The following SIRT7 variants were observed in gnomAD, a reference collection of about 807,000 sequenced individuals.
SIRT7 encodes NAD-dependent protein deacetylase sirtuin-7.
In SIRT7, 32 loss-of-function variants were observed where a neutral mutation model predicts 42.8. The observed-to-expected ratio is 0.75, with a 90% CI of 0.56 to 1.00. SIRT7 has a LOEUF of 1.00. SIRT7 is among the 50% of genes least tolerant of loss of function. The pLI is 0.00. For synonymous variants in SIRT7, 297 were observed against 245.2 expected (o/e 1.21, Z -1.97); for missense variants, 553 against 572.2 (o/e 0.97, Z 0.34).
chr17:81,915,257 A>C, intron 5 of SIRT7, 183 bp downstream of exon 5: 1 of 637,100 alleles, frequency 1.6e-6, no homozygotes. Flanking sequence ...TCAGAGGGGG[A>C]GCTCCCCTTC....
Position 81,912,365 on chromosome 17 carries a change from C to T in SIRT7, c.*51G>A, listed in dbSNP as rs749450016. 8.7e-6 allele frequency: 14 copies of T among 1,609,106 alleles called. No homozygotes were observed. Among genetic ancestry groups the T allele is most frequent in the Non-Finnish European group, 1.1e-5 (13 of 1,175,850 alleles). On this transcript the variant is annotated 3_prime_UTR_variant, in exon 10 of 10. Transcript: ENST00000328666. Reference sequence around the variant, plus strand: ...CCCGTGGGGGCAACCCAGCCTTCACCGTGACACTGGCCATCTGCAAAGTGC... The same window carrying T: ...CCCGTGGGGGCAACCCAGCCTTCACTGTGACACTGGCCATCTGCAAAGTGC...
intron 5 of SIRT7, 182 bp downstream of exon 5, chr17:81,915,258 G>GC: frequency 1.6e-6 from 1 of 641,698 alleles, no homozygotes; most frequent in East Asian, 2.7e-5. Flanking sequence ...CAGAGGGGGA[G>GC]CTCCCCTTCT....
intron 5 of SIRT7, chr17:81,915,128 C>G (rs1430951215): frequency 9.6e-6 from 5 of 518,828 alleles, no homozygotes; most frequent in African/African-American, 1.9e-5. Context: ...CAGAGATGTC[C>G]TATAAGCCTC....
At position 81,914,139 on chromosome 17, in the gene SIRT7, C is replaced by T; in HGVS notation, c.845G>A (p.Cys282Tyr). Residue 282 changes from cysteine (C) to tyrosine (Y), a missense_variant, in exon 8 of 10, where the codon TGC becomes TAC. By Grantham distance (194) the Cys-to-Tyr change is radical. Transcript: ENST00000328666. Reference protein sequence around the residue: ...KVLKKYPRLWCMTKPPSRRPK... With the variant: ...KVLKKYPRLWYMTKPPSRRPK... Reference sequence around the variant, plus strand: ...CCGCCGGCTAGGGGGCTTGGTCATGCACCAGAGGCGTGGGTACTTCTTTAG... The same window carrying T: ...CCGCCGGCTAGGGGGCTTGGTCATGTACCAGAGGCGTGGGTACTTCTTTAG... 3.7e-6 allele frequency: 6 copies of T among 1,613,656 alleles called. No individual in the cohort carries two copies. The highest frequency in any genetic ancestry group is 4.2e-6 in the Non-Finnish European group (5 of 1,180,030).
chr17:81,912,809 A>G lies in SIRT7; in HGVS notation c.1005-195T>C. 4 of 645,218 alleles carry G rather than the reference A, an allele frequency of 6.2e-6. No individual in the cohort carries two copies. In the South Asian group the frequency reaches 7.2e-5, roughly 12 times the overall value. 40.0% of individuals were successfully genotyped at this position (645,218 alleles called of 1,614,324 possible). ...ACGGATGTGGGAGAGGTCACCTCTT[A>G]GGTGGTGACTCAAAGGTCGGCACCC... is the stretch of plus-strand genomic sequence containing the variant. On this transcript the variant is annotated intron_variant, in intron 9 of 9. Coordinates refer to ENST00000328666, the MANE Select transcript of SIRT7 (RefSeq NM_016538.3).
Position 81,917,831 on chromosome 17 carries a change from T to C in SIRT7, c.230A>G (p.Glu77Gly). 7.0e-7 allele frequency: 1 copy of C among 1,434,128 alleles called. No homozygotes were observed. Among genetic ancestry groups the C allele is most frequent in the Non-Finnish European group, 9.1e-7 (1 of 1,099,124 alleles). 88.8% of individuals were successfully genotyped at this position (1,434,128 alleles called of 1,614,324 possible). The change falls in exon 2 of 10, where the codon GAG (glutamate) becomes GGG (glycine). Residue 77 changes from glutamate to glycine, a missense_variant and splice_region_variant. Coordinates refer to ENST00000328666, the MANE Select transcript of SIRT7 (RefSeq NM_016538.3). ...CCGCGCGCCGCACGCGGAACTCGCC[T>C]CCTCCTGCCGCCGCTTCAGGCCCTC... Reference protein sequence around the residue: ...RREGLKRRQEEVCDDPEELRG... With the variant: ...RREGLKRRQEGVCDDPEELRG...
intron 5 of SIRT7, 54 bp downstream of exon 5, chr17:81,915,386 C>T (rs1220224953): frequency 1.3e-5 from 20 of 1,576,986 alleles, no homozygotes; most frequent in Non-Finnish European, 1.7e-5. Context: ...CCACTGGGCA[C>T]CAAGGTGCTC....
chr17:81,917,732 C>T lies in SIRT7; in HGVS notation c.232-13G>A. The T allele has an allele frequency of 1.3e-6, 2 of 1,556,672 alleles. No individual in the cohort carries two copies. The highest frequency in any genetic ancestry group is 1.7e-6 in the Non-Finnish European group (2 of 1,153,638). On this transcript the variant is annotated splice_polypyrimidine_tract_variant and intron_variant, in intron 2 of 9. Transcript: ENST00000328666. ...GGTCGTCGCACACCTGCCAAGACGC[C>T]AGGGTGGTCACCGCCCCGGGCCGCC...
At position 81,913,119 on chromosome 17, in the gene SIRT7, A is replaced by G; in HGVS notation, c.1005-505T>C. ...ATCATAACTTAAGATACAGATACGC[A>G]CTGATAAGGAAAATGAGCTAAGTTA... On this transcript the variant is annotated intron_variant, in intron 9 of 9. Transcript: ENST00000328666. The surrounding 1 kb of genome is among the most constrained non-coding windows in gnomAD (Gnocchi z 5.0). 2.7e-6 allele frequency: 1 copy of G among 371,536 alleles called. No individual in the cohort carries two copies. Among genetic ancestry groups the G allele is most frequent in the Non-Finnish European group, 5.2e-6 (1 of 191,108 alleles). 23.0% of individuals were successfully genotyped at this position (371,536 alleles called of 1,614,324 possible).
chr17:81,917,576 A>G, intron 3 of SIRT7, 39 bp downstream of exon 3: 1 of 1,521,122 alleles, frequency 6.6e-7, no homozygotes, highest in African/African-American at 1.4e-5. Flanking sequence ...ACTGGAGCTC[A>G]TACTCCGTCC....
At position 81,914,336 on chromosome 17, in the gene SIRT7, G is replaced by T; in HGVS notation, c.774C>A (p.Ala258=). The change falls in exon 7 of 10, where the codon GCC becomes GCA. Residue 258 remains alanine, a synonymous_variant. Coordinates refer to ENST00000328666, the MANE Select transcript of SIRT7 (RefSeq NM_016538.3). ...GACACAGGATGGTGTCTGCTCTGCT[G>T]GCAGCCTCGGTCGCCGCTTCCCAGT... is the stretch of plus-strand genomic sequence containing the variant. ...PLNWEAATEA[A]SRADTILCLG... 1 of 1,612,920 alleles carries T rather than the reference G, an allele frequency of 6.2e-7. No homozygotes were observed.
At chr17:81,914,043 C>T in intron 8 of SIRT7, 44 bp downstream of exon 8, 1 of 1,609,982 alleles carries the variant, frequency 6.2e-7, no homozygotes, top group South Asian at 1.1e-5. Context: ...GCTGTGCGTT[C>T]TAAGACCCAG....
At chr17:81,915,307 C>T (rs1235900348) in intron 5 of SIRT7, 133 bp downstream of exon 5, 5 of 1,000,738 alleles carry the variant, frequency 5.0e-6, no homozygotes, top group Non-Finnish European at 7.5e-6. Context: ...AAACCCGCGG[C>T]CTAACCCGCT....
At chr17:81,915,793 G>A in intron 3 of SIRT7, 112 bp from the exon 4 acceptor site, 1 of 1,205,018 alleles carries the variant, frequency 8.3e-7, no homozygotes, top group Non-Finnish European at 1.2e-6. Flanking sequence ...GGGCTGGCCT[G>A]CATGTTGGCC....
intron 5 of SIRT7, 77 bp from the exon 6 acceptor site, chr17:81,914,779 G>T: frequency 8.0e-7 from 1 of 1,252,278 alleles, no homozygotes; most frequent in East Asian, 2.3e-5. Flanking sequence ...GCCACAGCGA[G>T]GCTGTTCTGA....
At chr17:81,914,207 G>A (rs1457143371) in intron 7 of SIRT7, 40 bp from the exon 8 acceptor site, 4 of 1,613,350 alleles carry the variant, frequency 2.5e-6, no homozygotes, top group Non-Finnish European at 3.4e-6. Context: ...ACACACAAGG[G>A]ACAAGTCTGT....
Position 81,912,359 on chromosome 17 carries a change from C to T in SIRT7, c.*57G>A. The T allele has an allele frequency of 1.2e-6, 2 of 1,605,690 alleles. No individual in the cohort carries two copies. Among genetic ancestry groups the T allele is most frequent in the East Asian group, 2.2e-5 (1 of 44,838 alleles). On this transcript the variant is annotated 3_prime_UTR_variant, in exon 10 of 10. Coordinates refer to ENST00000328666, the MANE Select transcript of SIRT7 (RefSeq NM_016538.3). ...CCTAGACCCGTGGGGGCAACCCAGC[C>T]TTCACCGTGACACTGGCCATCTGCA...
chr17:81,918,001 G>C (rs768258850), intron 1 of SIRT7, 34 bp from the exon 2 acceptor site: 13 of 1,349,396 alleles, frequency 9.6e-6, no homozygotes, highest in Non-Finnish European at 4.7e-6. Flanking sequence ...GGCGGCGCGG[G>C]CCGGGCATGG....
rs756211437 is a variant in SIRT7 at position 81,914,311 on chromosome 17, G to A, written c.799C>T (p.Leu267=). The A allele has an allele frequency of 3.1e-6, 5 of 1,613,154 alleles. No individual in the cohort carries two copies. In the South Asian group the frequency reaches 4.4e-5, roughly 14 times the overall value. The change falls in exon 7 of 10, where the codon CTA becomes TTA. Residue 267 remains leucine (L), a synonymous_variant. Transcript: ENST00000328666. ...AASRADTILC[L]GSSLKVLKKY... ...GCACGTACCTTCAGGCTGGACCCTAGACACAGGATGGTGTCTGCTCTGCTG... is the reference window on the plus strand; with the variant it reads ...GCACGTACCTTCAGGCTGGACCCTAAACACAGGATGGTGTCTGCTCTGCTG...
Sources: gnomAD v4.1 joint callset for allele counts on GRCh38, gnomAD v4.1.1 for gene constraint, Gnocchi (gnomAD v3.1) non-coding constraint, MANE v1.5 for transcripts, NCBI Gene and HGNC (gene_info 2026-07-23, HGNC 2026-07-21) for gene names.